USP28: variants seen among roughly 807,000 people sequenced by gnomAD.
USP28 encodes the protein ubiquitin specific peptidase 28.
Under a neutral mutation model 145.0 loss-of-function variants are expected in USP28, and 113 were observed. That is an observed-to-expected ratio of 0.78 (90% confidence interval 0.67 to 0.91). The LOEUF (loss-of-function observed/expected upper bound fraction) is 0.91, where lower values mean the gene tolerates loss of function less well. Ranked by LOEUF, USP28 falls within the 40% of genes least tolerant of loss-of-function variation. The pLI is 0.00. For synonymous variants in USP28, 447 were observed against 450.9 expected, an observed-to-expected ratio of 0.99 and a Z score of 0.11; for missense variants, 1,201 against 1,289.6, an observed-to-expected ratio of 0.93 and a Z score of 1.05.
In USP28 at chr11:113,816,342, C is replaced by T. The variant is rs150282748; in HGVS notation, c.1464-960G>A. On this transcript the variant is annotated intron_variant, in intron 13 of 24. Coordinates refer to ENST00000003302, the Ensembl canonical transcript of USP28. Reference sequence around the variant, plus strand: ...CCACCCTGGCCAACATGGTGAAACCCCATCTCTACTAAAAATACAAAACTC... The same window carrying T: ...CCACCCTGGCCAACATGGTGAAACCTCATCTCTACTAAAAATACAAAACTC... Among the ~76,000 whole-genome samples, 1,042 of 152,152 alleles carry T rather than the reference C, an allele frequency of 6.8e-3. 13 individuals carry two copies. The highest frequency in any genetic ancestry group is 0.023 in the African/African-American group (972 of 41,516).
rs202242972 is a variant in USP28 at position 113,860,992 on chromosome 11, C to CCGGTAGTCCCAGCTACT, written c.58-6674_58-6658dup. 1.0e-2 allele frequency among the ~76,000 whole-genome samples: 1,514 copies of CCGGTAGTCCCAGCTACT among 151,968 alleles called. 34 individuals are homozygous for CCGGTAGTCCCAGCTACT. Among genetic ancestry groups the CCGGTAGTCCCAGCTACT allele is most frequent in the African/African-American group, 0.036 (1,472 of 41,390 alleles). On this transcript the variant is annotated intron_variant, in intron 1 of 24. Transcript: ENST00000003302. ...AATTAGATGGGCGAGGTGGCAGGCA[C>CCGGTAGTCCCAGCTACT]CGGTAGTCCCAGCTACTCGGGAGGC...
At chr11:113,838,023 A>C (rs1272724060) in intron 5 of USP28, among the ~76,000 whole-genome samples, 2 of 151,682 alleles carry the variant, frequency 1.3e-5, no homozygotes, top group African/African-American at 4.8e-5. Flanking sequence ...ACACTACTTC[A>C]ACTCTAATTT....
chr11:113,828,745 C>G (rs1419890838), intron 10 of USP28: 1 of 310,880 alleles, frequency 3.2e-6, no homozygotes. Context: ...CATAAATAAA[C>G]AAATGAAAAT....
intron 11 of USP28, 36 bp downstream of exon 11, chr11:113,827,197 T>C (rs1943474911): frequency 6.3e-7 from 1 of 1,589,922 alleles, no homozygotes; most frequent in South Asian, 1.2e-5. Flanking sequence ...ACTGCTGTAA[T>C]ACCTCAGGAA....
At chr11:113,834,890 G>GA (rs1179799540) in intron 5 of USP28, among the ~76,000 whole-genome samples, 1 of 152,026 alleles carries the variant, frequency 6.6e-6, no homozygotes, top group Non-Finnish European at 1.5e-5. Flanking sequence ...CATTTTGAGT[G>GA]AAAAAAAGTT....
chr11:113,843,782 C>T (rs1945497575), intron 3 of USP28, among the ~76,000 whole-genome samples: 1 of 151,196 alleles, frequency 6.6e-6, no homozygotes, highest in South Asian at 2.1e-4. Context: ...GAGACATATA[C>T]ATCAATGGAA....
chr11:113,845,393 G>A (rs1205080180), intron 3 of USP28, among the ~76,000 whole-genome samples: 3 of 148,970 alleles, frequency 2.0e-5, no homozygotes, highest in South Asian at 2.1e-4. Context: ...CTGAGATCGC[G>A]CCACTGCACT....
intron 1 of USP28, among the ~76,000 whole-genome samples, chr11:113,855,180 G>A (rs1025796290): frequency 6.6e-6 from 1 of 152,186 alleles, no homozygotes; most frequent in African/African-American, 2.4e-5. Context: ...TATAAAGTAT[G>A]AAATGTTTTC....
intron 3 of USP28, among the ~76,000 whole-genome samples, chr11:113,846,352 C>CA (rs1945847648): frequency 6.6e-6 from 1 of 152,164 alleles, no homozygotes; most frequent in African/African-American, 2.4e-5. Context: ...GAAATACTGT[C>CA]ACATGCTACA....
Position 113,816,573 on chromosome 11 carries a change from G to T in USP28, c.1463+1085C>A, listed in dbSNP as rs142856107. ...CTCCCTCCTCCTCACTCTCTCACAT[G>T]CACAAAATAATGGAGGAAATCTCTT... On this transcript the variant is annotated intron_variant, in intron 13 of 24. Transcript: ENST00000003302. 2.5e-3 allele frequency among the ~76,000 whole-genome samples: 385 copies of T among 152,146 alleles called. 3 individuals carry two copies. Among genetic ancestry groups the T allele is most frequent in the African/African-American group, 8.8e-3 (365 of 41,504 alleles).
intron 15 of USP28, among the ~76,000 whole-genome samples, chr11:113,813,073 C>CAAT (rs1941238105): frequency 6.6e-6 from 1 of 152,146 alleles, no homozygotes. Flanking sequence ...GAAAATAGAG[C>CAAT]AATGCTTAAA....
At chr11:113,866,974 C>T (rs1368210960) in intron 1 of USP28, among the ~76,000 whole-genome samples, 1 of 109,564 alleles carries the variant, frequency 9.1e-6, no homozygotes, top group Admixed American at 9.1e-5. Flanking sequence ...AAATGAAAAA[C>T]TCATACATGC....
chr11:113,808,972 A>G (rs1375145525), intron 17 of USP28, 91 bp downstream of exon 17: 4 of 1,258,340 alleles, frequency 3.2e-6, no homozygotes, highest in Non-Finnish European at 4.5e-6. Flanking sequence ...AGACTGTGGC[A>G]TCACCTAGCC....
chr11:113,845,361 G>A (rs1288908357), intron 3 of USP28, among the ~76,000 whole-genome samples: 2 of 151,648 alleles, frequency 1.3e-5, no homozygotes, highest in African/African-American at 2.4e-5. Context: ...ACTTGTACCC[G>A]GGAGGTGGAG....
intron 5 of USP28, among the ~76,000 whole-genome samples, chr11:113,838,324 C>T (rs1944812205): frequency 6.6e-6 from 1 of 152,224 alleles, no homozygotes; most frequent in South Asian, 2.1e-4. Flanking sequence ...ATTCTCAACA[C>T]AGATGCCAGT....
chr11:113,874,538 C>G, intron 1 of USP28: 4 of 1,288,656 alleles, frequency 3.1e-6, no homozygotes, highest in Non-Finnish European at 4.0e-6. Flanking sequence ...TGTCTGCCAG[C>G]TTTGTACGAC....
At chr11:113,847,330 A>G (rs1448392049) in intron 3 of USP28, among the ~76,000 whole-genome samples, 1 of 152,076 alleles carries the variant, frequency 6.6e-6, no homozygotes, top group African/African-American at 2.4e-5. Flanking sequence ...GAAAGACAGG[A>G]GACAGAAAAA....
chr11:113,817,882 G>C, intron 12 of USP28, 45 bp from the exon 13 acceptor site: 2 of 1,592,990 alleles, frequency 1.3e-6, no homozygotes, highest in Non-Finnish European at 1.7e-6. Context: ...AGGCTGTTTT[G>C]TATTTTAAGA....
At chr11:113,872,297 G>C (rs553613001) in intron 1 of USP28, among the ~76,000 whole-genome samples, 27 of 152,046 alleles carry the variant, frequency 1.8e-4, no homozygotes, top group Non-Finnish European at 3.1e-4. Context: ...CCATCCTGGC[G>C]AACACTGTGA....
Sources: gnomAD v4.1 joint callset for allele counts (sites outside exome capture counted in the v4.1 genomes callset) on GRCh38, gnomAD v4.1.1 for gene constraint, MANE v1.5 for transcripts, NCBI Gene and HGNC (gene_info 2026-07-23, HGNC 2026-07-21) for gene names.